The following ODF1 variants were observed in gnomAD, a reference collection of about 807,000 sequenced individuals.
ODF1 encodes outer dense fiber of sperm tails 1.
In ODF1, 10 loss-of-function variants were observed where a neutral mutation model predicts 24.0. The ratio of observed to expected loss-of-function variants is 0.42; its 90% confidence interval spans 0.26 to 0.71. The LOEUF (loss-of-function observed/expected upper bound fraction) is 0.71. Ranked by LOEUF, ODF1 falls within the 30% of genes least tolerant of loss-of-function variation. ODF1 has a pLI of 0.28. For missense variants in ODF1, 282 were observed against 307.9 expected (o/e 0.92, Z 0.63); for synonymous variants, 118 against 121.3 (o/e 0.97, Z 0.18).
chr8:102,560,984 G>A lies in ODF1; in HGVS notation c.*100G>A, dbSNP rs1201278121. Reference sequence around the variant, plus strand: ...CCTTCCCATGGCCCCTGTTGTTGAAGTACGTAGGAAACTGAATACATAACT... The same window carrying A: ...CCTTCCCATGGCCCCTGTTGTTGAAATACGTAGGAAACTGAATACATAACT... On this transcript the variant is annotated 3_prime_UTR_variant, in exon 2 of 2. Transcript: ENST00000285402. The A allele has an allele frequency of 3.5e-6, 4 of 1,158,064 alleles. No individual in the cohort carries two copies. The highest frequency in any genetic ancestry group is 3.0e-5 in the South Asian group (2 of 67,502). The allele number at this position is 1,158,064 out of a possible 1,614,324, so 71.7% of individuals were successfully genotyped here. A position where few individuals can be genotyped will look rare whatever the true frequency, so the allele number is the denominator to read the frequency against.
rs778352811 is a variant in ODF1 at position 102,560,731 on chromosome 8, T to C, written c.600T>C (p.Ser200=). The change falls in exon 2 of 2, where the codon TCT becomes TCC. Residue 200 remains serine, a synonymous_variant. Coordinates refer to ENST00000285402, the MANE Select transcript of ODF1 (RefSeq NM_024410.4). ...YGLGSCVKIE[S]PCYPCTSPCS... ...TCGGCAGCTGTGTCAAGATCGAGTC[T>C]CCTTGCTACCCTTGCACTTCTCCTT... 2 of 1,613,874 alleles carry C rather than the reference T, an allele frequency of 1.2e-6. No homozygotes were observed. Among genetic ancestry groups the C allele is most frequent in the East Asian group, 2.2e-5 (1 of 44,864 alleles).
chr8:102,558,533 C>T (rs1265111158), intron 1 of ODF1, among the ~76,000 whole-genome samples: 4 of 152,180 alleles, frequency 2.6e-5, no homozygotes, highest in South Asian at 2.1e-4. Context: ...TTCTGTTTGC[C>T]TCAGTGTCTT....
intron 1 of ODF1, among the ~76,000 whole-genome samples, chr8:102,553,002 A>C (rs886623215): frequency 2.5e-4 from 20 of 81,392 alleles, no homozygotes; most frequent in Admixed American, 1.3e-4. Context: ...ATAGATAGAT[A>C]GATAGATAGA....
intron 1 of ODF1, among the ~76,000 whole-genome samples, chr8:102,553,866 A>C (rs979962867): frequency 2.0e-5 from 3 of 152,212 alleles, no homozygotes; most frequent in Admixed American, 6.5e-5. Flanking sequence ...TCTTCCTGAC[A>C]GCGTCTGGGT....
In ODF1 at chr8:102,551,941, C is replaced by A; in HGVS notation, c.214C>A (p.Pro72Thr). 1 of 1,614,134 alleles carries A rather than the reference C, an allele frequency of 6.2e-7. No homozygotes were observed. Among genetic ancestry groups the A allele is most frequent in the Non-Finnish European group, 8.5e-7 (1 of 1,180,038 alleles). ...SRSCGLCDLYPCCLCDYKLYC... is the reference protein window; with the variant it reads ...SRSCGLCDLYTCCLCDYKLYC... ...CTCTTGCGGCCTGTGTGATCTCTAC[C>A]CATGTTGCCTGTGTGATTATAAGCT... Residue 72 changes from proline (P) to threonine (T), a missense_variant, in exon 1 of 2, where the codon CCA becomes ACA. Coordinates refer to ENST00000285402, the MANE Select transcript of ODF1 (RefSeq NM_024410.4).
chr8:102,557,050 C>T (rs1444132635), intron 1 of ODF1, among the ~76,000 whole-genome samples: 1 of 152,112 alleles, frequency 6.6e-6, no homozygotes, highest in Admixed American at 6.6e-5. Flanking sequence ...GTTGTACATC[C>T]GGGTGAAATT....
At chr8:102,553,170 C>T (rs1826067289) in intron 1 of ODF1, among the ~76,000 whole-genome samples, 1 of 144,252 alleles carries the variant, frequency 6.9e-6, no homozygotes, top group African/African-American at 2.6e-5. Context: ...CGAGACCAGC[C>T]TGGCTAACAT....
At chr8:102,554,382 G>C (rs1307115916) in intron 1 of ODF1, among the ~76,000 whole-genome samples, 2 of 152,164 alleles carry the variant, frequency 1.3e-5, no homozygotes, top group Non-Finnish European at 2.9e-5. Flanking sequence ...GGGTTGGTTA[G>C]TTATGACATA....
chr8:102,558,209 TG>T (rs904674437), intron 1 of ODF1, among the ~76,000 whole-genome samples: 2 of 152,106 alleles, frequency 1.3e-5, no homozygotes, highest in African/African-American at 4.8e-5. Context: ...CCCAGCACTT[TG>T]GGAGGCTGAA....
Position 102,551,916 on chromosome 8 carries a change from C to T in ODF1, c.189C>T (p.Arg63=). Residue 63 remains arginine, a synonymous_variant, in exon 1 of 2, where the codon CGC becomes CGT. Coordinates refer to ENST00000285402, the MANE Select transcript of ODF1 (RefSeq NM_024410.4). ...GCTTGTGCTATTCCAAGCGATCACG[C>T]TCTTGCGGCCTGTGTGATCTCTACC... is the stretch of plus-strand genomic sequence containing the variant. The part of the protein sequence containing the change: ...PYCLCYSKRS[R]SCGLCDLYPC... The T allele has an allele frequency of 1.2e-6, 2 of 1,614,178 alleles. No individual in the cohort carries two copies. The highest frequency in any genetic ancestry group is 1.7e-6 in the Non-Finnish European group (2 of 1,180,042).
intron 1 of ODF1, among the ~76,000 whole-genome samples, chr8:102,558,470 A>G (rs1286902517): frequency 6.6e-6 from 1 of 151,970 alleles, no homozygotes; most frequent in East Asian, 1.9e-4. Context: ...AAGAAAAAAG[A>G]AAAAAAAGAA....
intron 1 of ODF1, among the ~76,000 whole-genome samples, chr8:102,553,870 T>A (rs78375678): frequency 1.3e-5 from 2 of 152,370 alleles, no homozygotes; most frequent in East Asian, 3.9e-4. Flanking sequence ...CCTGACAGCG[T>A]CTGGGTCTTT....
chr8:102,553,254 G>A (rs1441683757), intron 1 of ODF1, among the ~76,000 whole-genome samples: 1 of 149,648 alleles, frequency 6.7e-6, no homozygotes, highest in Non-Finnish European at 1.5e-5. Flanking sequence ...GCACGTGCCT[G>A]TAATCCCAGC....
chr8:102,559,653 G>GTCCAGAGGC lies in ODF1; in HGVS notation c.321-797_321-789dup, dbSNP rs1388150108. On this transcript the variant is annotated intron_variant, in intron 1 of 1. Transcript: ENST00000285402. ...GACTGCCTTTCTGCTAGTGCTAGCT[G>GTCCAGAGGC]TCCAGAGGCTAGAGTGACTTCCCAG... Among the ~76,000 whole-genome samples, 43 of 151,736 alleles carry GTCCAGAGGC rather than the reference G, an allele frequency of 2.8e-4. 1 individual carries two copies. The highest frequency in any genetic ancestry group is 1.0e-3 in the African/African-American group (43 of 41,030).
At chr8:102,553,128 G>A (rs557336685) in intron 1 of ODF1, among the ~76,000 whole-genome samples, 22 of 151,350 alleles carry the variant, frequency 1.5e-4, no homozygotes, top group East Asian at 9.7e-4. Context: ...TTTGGGAGGC[G>A]GAGGCGGGCA....
intron 1 of ODF1, 35 bp from the exon 2 acceptor site, chr8:102,560,417 G>A: frequency 6.3e-7 from 1 of 1,589,012 alleles, no homozygotes; most frequent in Non-Finnish European, 8.6e-7. Flanking sequence ...TGAGGTCTGA[G>A]CTCCCTCCCA....
Position 102,554,503 on chromosome 8 carries a change from C to T in ODF1, c.320+2456C>T, listed in dbSNP as rs1826085393. 1.3e-5 allele frequency among the ~76,000 whole-genome samples: 2 copies of T among 152,238 alleles called. 1 individual carries two copies. The highest frequency in any genetic ancestry group is 4.1e-4 in the South Asian group (2 of 4,836). On this transcript the variant is annotated intron_variant, in intron 1 of 1. Transcript: ENST00000285402. The stretch of plus-strand genomic sequence containing the variant: ...CCCTTGAAACTGTTTTTCTGTGTCA[C>T]AGTCAATCTGCTGTGTCTCTGGGTC...
chr8:102,557,162 G>A (rs1826121964), intron 1 of ODF1, among the ~76,000 whole-genome samples: 1 of 152,132 alleles, frequency 6.6e-6, no homozygotes, highest in Non-Finnish European at 1.5e-5. Context: ...CTGCAAAGGA[G>A]CTGATTTCCC....
At chr8:102,557,051 G>A (rs902396323) in intron 1 of ODF1, among the ~76,000 whole-genome samples, 18 of 152,128 alleles carry the variant, frequency 1.2e-4, no homozygotes, top group African/African-American at 3.4e-4. Flanking sequence ...TTGTACATCC[G>A]GGTGAAATTT....
Sources: allele counts gnomAD v4.1 joint callset (sites outside exome capture counted in the v4.1 genomes callset), GRCh38; gene constraint gnomAD v4.1.1; transcripts MANE v1.5; gene names NCBI Gene and HGNC (gene_info 2026-07-23, HGNC 2026-07-21).